The following EVI5 variants were observed in gnomAD, a reference collection of about 807,000 sequenced individuals.
EVI5 encodes the protein ecotropic viral integration site 5.
EVI5 carries 73 observed loss-of-function variants against 112.0 expected under a neutral mutation model. The ratio of observed to expected loss-of-function variants is 0.65; its 90% CI spans 0.54 to 0.79. EVI5 has a LOEUF of 0.79. EVI5 is among the 30% of genes least tolerant of loss of function. The pLI is 0.00. For missense variants in EVI5, 900 were observed against 968.8 expected (o/e 0.93, Z 0.94); for synonymous variants, 305 against 319.9 (o/e 0.95, Z 0.50).
chr1:92,577,091 G>A (rs1473448743), intron 18 of EVI5, among the ~76,000 whole-genome samples: 1 of 152,166 alleles, frequency 6.6e-6, no homozygotes, highest in African/African-American at 2.4e-5. Flanking sequence ...AACAGGGTGA[G>A]AGAACTCTAG....
At chr1:92,787,423 A>G (rs1266294225), upstream of EVI5, among the ~76,000 whole-genome samples, 1 of 152,214 alleles carries the variant, frequency 6.6e-6, no homozygotes, top group East Asian at 1.9e-4. Flanking sequence ...AACTAATAAC[A>G]TTGATTGCTT....
At chr1:92,758,323 C>G (rs1208629233) in intron 1 of EVI5, among the ~76,000 whole-genome samples, 1 of 152,124 alleles carries the variant, frequency 6.6e-6, no homozygotes, top group Non-Finnish European at 1.5e-5. Context: ...AATCCCAGCA[C>G]TCTGGAAGGC....
At chr1:92,682,543 C>T (rs1000591060) in intron 9 of EVI5, among the ~76,000 whole-genome samples, 1 of 152,100 alleles carries the variant, frequency 6.6e-6, no homozygotes, top group Non-Finnish European at 1.5e-5. Context: ...GGGTGGATCA[C>T]CTGAGGTCAG....
intron 19 of EVI5, among the ~76,000 whole-genome samples, chr1:92,559,738 C>T (rs543326859): frequency 1.1e-4 from 13 of 122,728 alleles, no homozygotes; most frequent in Non-Finnish European, 1.6e-4. Context: ...CGCGCCAGTG[C>T]ACTCCAGCCT....
chr1:92,732,881 C>T (rs1221899155), intron 2 of EVI5, among the ~76,000 whole-genome samples: 1 of 113,310 alleles, frequency 8.8e-6, no homozygotes, highest in Non-Finnish European at 1.7e-5. Context: ...GCCTGGGAGA[C>T]ATGTGAGACT....
Position 92,781,445 on chromosome 1 carries a change from G to A in EVI5, c.-82+3391C>T, listed in dbSNP as rs867555670. On this transcript the variant is annotated intron_variant, in intron 1 of 19. Transcript: ENST00000684568. ...GGAGGAATGCTTGAGCACAGGAGGC[G>A]GAGGTTGCAGTGTTCTGAGACTGCA... Among the ~76,000 whole-genome samples the A allele has an allele frequency of 1.1e-4, 17 of 151,732 alleles. No homozygotes were observed. The South Asian group carries it at 1.2e-3, about 11-fold the overall frequency.
At chr1:92,610,534 TA>T (rs1651518739) in intron 16 of EVI5, among the ~76,000 whole-genome samples, 1 of 152,134 alleles carries the variant, frequency 6.6e-6, no homozygotes, top group African/African-American at 2.4e-5. Flanking sequence ...AGGTTATGTC[TA>T]AAATTACAGT....
intron 1 of EVI5, among the ~76,000 whole-genome samples, chr1:92,768,283 T>TAAAG (rs539277937): frequency 1.9e-3 from 291 of 152,028 alleles, no homozygotes; most frequent in Non-Finnish European, 3.6e-3. Context: ...TAAGCAAGAC[T>TAAAG]AAAGATACAC....
At chr1:92,782,989 T>G (rs146034687) in intron 1 of EVI5, among the ~76,000 whole-genome samples, 62 of 152,090 alleles carry the variant, frequency 4.1e-4, no homozygotes, top group Non-Finnish European at 6.8e-4. Flanking sequence ...CCAGCTAATT[T>G]TTGTATTTTT....
chr1:92,640,639 CT>C (rs1659764075), intron 13 of EVI5, among the ~76,000 whole-genome samples: 1 of 152,090 alleles, frequency 6.6e-6, no homozygotes, highest in Non-Finnish European at 1.5e-5. Flanking sequence ...GATAGGAATG[CT>C]TTTATAGTGT....
At chr1:92,781,929 TG>T (rs1451031931) in intron 1 of EVI5, among the ~76,000 whole-genome samples, 9 of 109,848 alleles carry the variant, frequency 8.2e-5, no homozygotes, top group South Asian at 3.3e-4. Flanking sequence ...CACTCCAACC[TG>T]GGCAACAGAG....
At position 92,512,103 on chromosome 1, in the gene EVI5, G is replaced by T. The variant is rs1317327285; in HGVS notation, c.*1553C>A. 3 of 152,356 alleles carry T rather than the reference G, an allele frequency of 2.0e-5. No individual in the cohort carries two copies. Among genetic ancestry groups the T allele is most frequent in the African/African-American group, 7.2e-5 (3 of 41,404 alleles). 9.4% of individuals were successfully genotyped at this position (152,356 alleles called of 1,614,324 possible). On this transcript the variant is annotated 3_prime_UTR_variant, in exon 20 of 20. Transcript: ENST00000684568. ...CTTTCCATAGTGCAAGTATAATTTG[G>T]GTGTTTTCTCTAACTTATCAGTGAC...
At chr1:92,547,794 C>G (rs1666027291) in intron 19 of EVI5, among the ~76,000 whole-genome samples, 1 of 152,134 alleles carries the variant, frequency 6.6e-6, no homozygotes, top group African/African-American at 2.4e-5. Flanking sequence ...AAGACTAAAT[C>G]AGGAAGAAGT....
At chr1:92,581,000 T>C (rs1671845190) in intron 18 of EVI5, among the ~76,000 whole-genome samples, 1 of 152,244 alleles carries the variant, frequency 6.6e-6, no homozygotes, top group African/African-American at 2.4e-5. Flanking sequence ...GAATGGTATT[T>C]CTTTCTGCTA....
intron 13 of EVI5, among the ~76,000 whole-genome samples, chr1:92,645,736 T>A (rs1660816933): frequency 6.6e-6 from 1 of 152,106 alleles, no homozygotes; most frequent in Non-Finnish European, 1.5e-5. Flanking sequence ...CCCATATTCA[T>A]CCTTGTCCAA....
At chr1:92,548,131 T>A (rs1052582828) in intron 19 of EVI5, among the ~76,000 whole-genome samples, 1 of 152,126 alleles carries the variant, frequency 6.6e-6, no homozygotes. Context: ...CAGCAGCACA[T>A]CACAAACCTT....
In EVI5 at chr1:92,720,298, A is replaced by C. The variant is rs1465149690; in HGVS notation, c.150-15554T>G. 5.3e-5 allele frequency among the ~76,000 whole-genome samples: 8 copies of C among 152,194 alleles called. No individual in the cohort carries two copies. The East Asian group carries it at 1.4e-3, about 26-fold the overall frequency. On this transcript the variant is annotated intron_variant, in intron 2 of 19. Coordinates refer to ENST00000684568, the MANE Select transcript of EVI5 (RefSeq NM_001350197.2). ...CTACACTACAAGGCTACAGTAACCAAAACAGCATGGTACTGGTATCAAAAC... is the reference window on the plus strand; with the variant it reads ...CTACACTACAAGGCTACAGTAACCACAACAGCATGGTACTGGTATCAAAAC...
rs72724575 is a variant in EVI5, at chr1:92,692,713, T to C, written c.1097+1089A>G. Among the ~76,000 whole-genome samples the C allele has an allele frequency of 4.5e-3, 688 of 152,304 alleles. 2 individuals carry two copies. Among genetic ancestry groups the C allele is most frequent in the Non-Finnish European group, 7.6e-3 (515 of 68,032 alleles). ...GAAAAGCTAACTAATTTTAATAACATTAATTCTCACTCATATTTAAATATA... is the reference window on the plus strand; with the variant it reads ...GAAAAGCTAACTAATTTTAATAACACTAATTCTCACTCATATTTAAATATA... On this transcript the variant is annotated intron_variant, in intron 9 of 19. Transcript: ENST00000684568.
intron 16 of EVI5, among the ~76,000 whole-genome samples, chr1:92,623,726 T>C (rs1047514722): frequency 7.2e-5 from 11 of 152,188 alleles, no homozygotes; most frequent in Non-Finnish European, 1.6e-4. Flanking sequence ...GCAGAAACAT[T>C]TTTGGTCATC....
Sources: gnomAD v4.1 joint callset for allele counts (sites outside exome capture counted in the v4.1 genomes callset) on GRCh38, gnomAD v4.1.1 for gene constraint, MANE v1.5 for transcripts, NCBI Gene and HGNC (gene_info 2026-07-23, HGNC 2026-07-21) for gene names.